MYO16: variants seen among roughly 807,000 people sequenced by gnomAD.
MYO16 encodes unconventional myosin-XVI.
MYO16 carries 94 observed loss-of-function variants against 205.3 expected under a neutral mutation model. That is an observed-to-expected ratio of 0.46 (90% CI 0.39 to 0.54). MYO16 has a LOEUF of 0.54. Among genes scored for constraint, MYO16 ranks in the 20% least tolerant of loss-of-function variants. MYO16 has a pLI of 0.00. For synonymous variants in MYO16, 988 were observed against 954.0 expected (o/e 1.04, Z -0.66); for missense variants, 2,315 against 2,387.5 (o/e 0.97, Z 0.63).
intron 16 of MYO16, among the ~76,000 whole-genome samples, chr13:108,941,447 C>T (rs1039730018): frequency 5.3e-5 from 8 of 151,978 alleles, no homozygotes; most frequent in East Asian, 1.9e-4. Flanking sequence ...GAGGCCGAGG[C>T]GGGTGGACCA....
chr13:109,143,587 A>C (rs1877199435), intron 32 of MYO16, among the ~76,000 whole-genome samples: 1 of 151,960 alleles, frequency 6.6e-6, no homozygotes, highest in African/African-American at 2.4e-5. Flanking sequence ...ACTCTATTCA[A>C]GGAAGTGAAG....
chr13:109,202,289 C>G (rs781045818), intron 34 of MYO16, among the ~76,000 whole-genome samples: 33 of 152,096 alleles, frequency 2.2e-4, no homozygotes, highest in Non-Finnish European at 4.6e-4. Context: ...TGCTGTTTTC[C>G]ATAGTGGTTT....
At chr13:109,095,944 T>C (rs1888763252) in intron 27 of MYO16, among the ~76,000 whole-genome samples, 1 of 152,202 alleles carries the variant, frequency 6.6e-6, no homozygotes, top group Non-Finnish European at 1.5e-5. Context: ...TCTTATCCTT[T>C]TCCACTCTAG....
At chr13:108,831,742 A>C (rs1306052925) in intron 9 of MYO16, among the ~76,000 whole-genome samples, 1 of 152,174 alleles carries the variant, frequency 6.6e-6, no homozygotes, top group Non-Finnish European at 1.5e-5. Flanking sequence ...CGAACTCCTG[A>C]CCTCAGGTCA....
intron 28 of MYO16, among the ~76,000 whole-genome samples, chr13:109,103,675 A>G (rs1594088824): frequency 6.6e-6 from 1 of 152,220 alleles, no homozygotes; most frequent in African/African-American, 2.4e-5. Flanking sequence ...TGAATCATCA[A>G]TATGAGATGG....
At chr13:108,903,973 G>A (rs1251922416) in intron 15 of MYO16, among the ~76,000 whole-genome samples, 5 of 152,168 alleles carry the variant, frequency 3.3e-5, no homozygotes, top group African/African-American at 9.7e-5. Flanking sequence ...TTAGGAAATA[G>A]TTGTTACCAT....
intron 19 of MYO16, among the ~76,000 whole-genome samples, 161 bp from the exon 20 acceptor site, chr13:108,964,600 A>G (rs762816184): frequency 7.2e-5 from 11 of 152,238 alleles, no homozygotes; most frequent in Non-Finnish European, 1.2e-4. Context: ...AACATTTTGC[A>G]TAATAACTGA....
chr13:108,627,976 C>T (rs1042271041), upstream of MYO16, among the ~76,000 whole-genome samples: 4 of 152,056 alleles, frequency 2.6e-5, no homozygotes, highest in Non-Finnish European at 5.9e-5. Context: ...CCCGAAGATA[C>T]ATTAGATAAC....
At chr13:108,697,045 G>A (rs1883120449) in intron 2 of MYO16, among the ~76,000 whole-genome samples, 2 of 151,254 alleles carry the variant, frequency 1.3e-5, no homozygotes, top group African/African-American at 2.4e-5. Flanking sequence ...AAAGCATGTA[G>A]TCTGGCAGGG....
intron 9 of MYO16, among the ~76,000 whole-genome samples, chr13:108,833,789 T>C (rs2139047079): frequency 6.6e-6 from 1 of 152,316 alleles, no homozygotes; most frequent in South Asian, 2.1e-4. Context: ...AGAAATTGGT[T>C]GTCTGCTGGT....
At chr13:108,978,485 T>C (rs924718357) in intron 20 of MYO16, among the ~76,000 whole-genome samples, 2 of 152,198 alleles carry the variant, frequency 1.3e-5, no homozygotes, top group Middle Eastern at 6.8e-3. Flanking sequence ...AGGAAGATCA[T>C]AGCAATTTCC....
intron 1 of MYO16, among the ~76,000 whole-genome samples, chr13:108,643,941 T>A (rs1167935175): frequency 6.6e-6 from 1 of 152,208 alleles, no homozygotes; most frequent in Non-Finnish European, 1.5e-5. Flanking sequence ...TGTGATTTAA[T>A]TATTAAGCCA....
intron 4 of MYO16, among the ~76,000 whole-genome samples, chr13:108,764,608 A>T (rs72668518): frequency 2.0e-5 from 3 of 152,302 alleles, no homozygotes; most frequent in Non-Finnish European, 2.9e-5. Flanking sequence ...GAAATGCAAT[A>T]TAAATGACTC....
At chr13:108,869,984 AAT>A (rs1347849679) in intron 12 of MYO16, among the ~76,000 whole-genome samples, 1 of 151,290 alleles carries the variant, frequency 6.6e-6, no homozygotes. Flanking sequence ...TTCATTTAAA[AAT>A]ATATATATAT....
chr13:109,044,464 T>C (rs1324738921), intron 23 of MYO16, among the ~76,000 whole-genome samples: 1 of 152,142 alleles, frequency 6.6e-6, no homozygotes, highest in African/African-American at 2.4e-5. Context: ...AGTAAATCCA[T>C]AGTCCTTTTT....
At chr13:109,102,120 A>C (rs1400437916) in intron 28 of MYO16, among the ~76,000 whole-genome samples, 1 of 151,872 alleles carries the variant, frequency 6.6e-6, no homozygotes, top group Non-Finnish European at 1.5e-5. Flanking sequence ...TAATAATGAA[A>C]TTTGAACTTT....
intron 2 of MYO16, among the ~76,000 whole-genome samples, chr13:108,700,909 C>T (rs1883282295): frequency 6.6e-6 from 1 of 151,962 alleles, no homozygotes. Context: ...CTAGGACTGA[C>T]CTTAAGGCTT....
chr13:108,930,616 C>A (rs949387767), intron 16 of MYO16, among the ~76,000 whole-genome samples: 48 of 152,012 alleles, frequency 3.2e-4, no homozygotes, highest in African/African-American at 1.1e-3. Flanking sequence ...ATTTCACACA[C>A]AAAAAAATTA....
At chr13:109,126,490 A>G in intron 30 of MYO16, among the ~76,000 whole-genome samples, 1 of 152,220 alleles carries the variant, frequency 6.6e-6, no homozygotes, top group East Asian at 1.9e-4. Context: ...AGCCAGAAGA[A>G]GTTTTTTTAA....
Sources: allele counts gnomAD v4.1 joint callset (sites outside exome capture counted in the v4.1 genomes callset), GRCh38; gene constraint gnomAD v4.1.1; transcripts MANE v1.5; gene names NCBI Gene and HGNC (gene_info 2026-07-23, HGNC 2026-07-21).